TBC1D32: variants seen among roughly 807,000 people sequenced by gnomAD.
The protein encoded by TBC1D32 is TBC1 domain family member 32, also known as protein broad-minded.
Under a neutral mutation model 170.3 loss-of-function variants are expected in TBC1D32, and 151 were observed. That is an observed-to-expected ratio of 0.89 (90% CI 0.78 to 1.01). The LOEUF (loss-of-function observed/expected upper bound fraction) is 1.01, where lower values mean the gene tolerates loss of function less well. Among genes scored for constraint, TBC1D32 ranks in the 50% least tolerant of loss-of-function variants. The pLI, the probability that TBC1D32 is intolerant of heterozygous loss-of-function variation, is 0.00. For synonymous variants in TBC1D32, 498 were observed against 488.0 expected, an observed-to-expected ratio of 1.02 and a Z score of -0.27; for missense variants, 1,464 against 1,457.1, an observed-to-expected ratio of 1.00 and a Z score of -0.08.
At chr6:121,191,058 T>C (rs1562839657) in intron 22 of TBC1D32, among the ~76,000 whole-genome samples, 1 of 151,590 alleles carries the variant, frequency 6.6e-6, no homozygotes, top group African/African-American at 2.4e-5. Flanking sequence ...TATATATATA[T>C]ATATGCACAC....
At chr6:121,263,233 AGAT>A (rs1800009051) in intron 15 of TBC1D32, among the ~76,000 whole-genome samples, 6 of 151,506 alleles carry the variant, frequency 4.0e-5, no homozygotes, top group Admixed American at 3.3e-4. Context: ...AACAAAAAAA[AGAT>A]AGAGGTAAAT....
chr6:121,270,058 A>G (rs532413545), intron 15 of TBC1D32, among the ~76,000 whole-genome samples: 61 of 152,274 alleles, frequency 4.0e-4, no homozygotes, highest in African/African-American at 1.3e-3. Flanking sequence ...TGTTCTTTGA[A>G]ACCAACGAGA....
At chr6:121,097,845 AC>A (rs1777597822) in intron 30 of TBC1D32, among the ~76,000 whole-genome samples, 1 of 152,150 alleles carries the variant, frequency 6.6e-6, no homozygotes, top group Admixed American at 6.6e-5. Context: ...GCACATATAC[AC>A]CATGGAATAG....
chr6:121,270,656 A>T (rs1486200303), intron 15 of TBC1D32, among the ~76,000 whole-genome samples: 1 of 152,166 alleles, frequency 6.6e-6, no homozygotes, highest in Non-Finnish European at 1.5e-5. Flanking sequence ...GACCAGACGG[A>T]TTCACAGCCA....
At chr6:121,179,563 TATGACTGA>T (rs1210122468) in intron 22 of TBC1D32, among the ~76,000 whole-genome samples, 1 of 151,980 alleles carries the variant, frequency 6.6e-6, no homozygotes, top group African/African-American at 2.4e-5. Flanking sequence ...AGCTACAATG[TATGACTGA>T]AAAATGTGAA....
chr6:121,205,005 T>C, intron 22 of TBC1D32, 70 bp downstream of exon 22: 5 of 844,120 alleles, frequency 5.9e-6, no homozygotes, highest in Non-Finnish European at 9.1e-6. Context: ...TTTTTTAAAG[T>C]ATACAGGACA....
chr6:121,149,483 A>T (rs977547793), intron 24 of TBC1D32, among the ~76,000 whole-genome samples: 8 of 152,176 alleles, frequency 5.3e-5, no homozygotes, highest in Admixed American at 3.9e-4. Context: ...TATGGGGTCC[A>T]GTTTTCTCAA....
At chr6:121,084,801 G>A (rs1338783940) in intron 31 of TBC1D32, among the ~76,000 whole-genome samples, 4 of 152,196 alleles carry the variant, frequency 2.6e-5, no homozygotes, top group Non-Finnish European at 5.9e-5. Context: ...AAAAGATCAA[G>A]TGTGCTAACA....
At chr6:121,229,230 A>C (rs1245275279) in intron 20 of TBC1D32, among the ~76,000 whole-genome samples, 1 of 152,094 alleles carries the variant, frequency 6.6e-6, no homozygotes, top group East Asian at 1.9e-4. Flanking sequence ...AATCATTTTC[A>C]AAGGTTTTCT....
At chr6:121,255,817 A>T (rs941481408) in intron 16 of TBC1D32, among the ~76,000 whole-genome samples, 1 of 152,110 alleles carries the variant, frequency 6.6e-6, no homozygotes, top group Non-Finnish European at 1.5e-5. Context: ...TAGTCTATGT[A>T]AGGAAAATTA....
intron 9 of TBC1D32, among the ~76,000 whole-genome samples, chr6:121,300,584 C>A (rs964485320): frequency 1.3e-5 from 2 of 152,060 alleles, no homozygotes; most frequent in Admixed American, 1.3e-4. Flanking sequence ...ACCATAAAAA[C>A]CCTAGAAGAA....
chr6:121,187,583 A>G (rs371734773), intron 22 of TBC1D32, among the ~76,000 whole-genome samples: 1 of 152,052 alleles, frequency 6.6e-6, no homozygotes, highest in South Asian at 2.1e-4. Flanking sequence ...CCACCTTGAA[A>G]AACTTCCTCC....
chr6:121,241,911 C>T (rs577229572), intron 18 of TBC1D32, among the ~76,000 whole-genome samples: 1 of 152,222 alleles, frequency 6.6e-6, no homozygotes, highest in Non-Finnish European at 1.5e-5. Flanking sequence ...AGGAAATTCA[C>T]CCAGTTTCAC....
At chr6:121,315,176 C>G (rs1367002024) in intron 3 of TBC1D32, among the ~76,000 whole-genome samples, 1 of 152,162 alleles carries the variant, frequency 6.6e-6, no homozygotes, top group African/African-American at 2.4e-5. Context: ...AACTCAAAGT[C>G]CCCCTCTCAC....
intron 17 of TBC1D32, among the ~76,000 whole-genome samples, chr6:121,249,565 C>T (rs1017272322): frequency 2.6e-5 from 4 of 151,986 alleles, no homozygotes; most frequent in African/African-American, 9.7e-5. Context: ...ACCTCAAAAA[C>T]TCTGAAGAGT....
intron 22 of TBC1D32, among the ~76,000 whole-genome samples, chr6:121,177,246 C>T (rs973564781): frequency 1.3e-5 from 2 of 152,094 alleles, no homozygotes; most frequent in African/African-American, 4.8e-5. Flanking sequence ...TGGTTTAGCA[C>T]CATCCCCTTG....
At chr6:121,300,518 T>C (rs1458554265) in intron 9 of TBC1D32, among the ~76,000 whole-genome samples, 2 of 151,996 alleles carry the variant, frequency 1.3e-5, no homozygotes, top group Admixed American at 6.6e-5. Flanking sequence ...ATTTAATAAA[T>C]GGTGTTGGGA....
chr6:121,279,329 G>A (rs1257835625), intron 14 of TBC1D32, 84 bp from the exon 15 acceptor site: 1 of 1,461,186 alleles, frequency 6.8e-7, no homozygotes, highest in African/African-American at 1.5e-5. Context: ...AGGATTGTAA[G>A]TAGTCTTATA....
At chr6:121,221,049 A>C (rs1045377469) in intron 21 of TBC1D32, among the ~76,000 whole-genome samples, 2 of 152,156 alleles carry the variant, frequency 1.3e-5, no homozygotes, top group Admixed American at 1.3e-4. Context: ...GCATCAAAAG[A>C]CAGGCGAACT....
Sources: gnomAD v4.1 joint callset for allele counts (sites outside exome capture counted in the v4.1 genomes callset) on GRCh38, gnomAD v4.1.1 for gene constraint, MANE v1.5 for transcripts, NCBI Gene and HGNC (gene_info 2026-07-23, HGNC 2026-07-21) for gene names.